The following NHLRC2 variants were observed in gnomAD, a reference collection of about 807,000 sequenced individuals.
NHLRC2 encodes NHL repeat containing 2.
NHLRC2 carries 33 observed loss-of-function variants against 68.1 expected under a neutral mutation model. That is an observed-to-expected ratio of 0.48 (90% CI 0.37 to 0.65). The LOEUF (loss-of-function observed/expected upper bound fraction) is 0.65. Ranked by LOEUF, NHLRC2 falls within the 30% of genes least tolerant of loss-of-function variation. The probability of loss-of-function intolerance (pLI) is 0.00; values close to 1 mark genes in which losing one functional copy is unlikely to be tolerated. For synonymous variants in NHLRC2, 311 were observed against 309.6 expected (o/e 1.00, Z -0.05); for missense variants, 761 against 853.8 (o/e 0.89, Z 1.35).
In NHLRC2 at chr10:113,854,830, T is replaced by G; in HGVS notation, c.-43T>G. Reference sequence around the variant, plus strand: ...AACGTTTCGTCTCTCCCAGCGAGACTCTCCCGCGGGCCCGGCGGCCGCATC... The same window carrying G: ...AACGTTTCGTCTCTCCCAGCGAGACGCTCCCGCGGGCCCGGCGGCCGCATC... On this transcript the variant is annotated 5_prime_UTR_variant, in exon 1 of 11. Transcript: ENST00000369301. 1 of 1,511,714 alleles carries G rather than the reference T, an allele frequency of 6.6e-7. No homozygotes were observed. The highest frequency in any genetic ancestry group is 8.9e-7 in the Non-Finnish European group (1 of 1,128,346). 93.6% of individuals were successfully genotyped at this position (1,511,714 alleles called of 1,614,324 possible). A position where few individuals can be genotyped will look rare whatever the true frequency, so the allele number is the denominator to read the frequency against.
chr10:113,910,585 C>A lies in NHLRC2; in HGVS notation c.*2049C>A, dbSNP rs1413821592. On this transcript the variant is annotated 3_prime_UTR_variant, in exon 11 of 11. Coordinates refer to ENST00000369301, the MANE Select transcript of NHLRC2 (RefSeq NM_198514.4). ...CAGGATGAGAATATTTTGGCCCAAT[C>A]ATTTTCTGTTTAAGGACTTAAACAA... 6.6e-6 allele frequency: 1 copy of A among 152,160 alleles called. No individual in the cohort carries two copies. Among genetic ancestry groups the A allele is most frequent in the African/African-American group, 2.4e-5 (1 of 41,444 alleles). The allele number at this position is 152,160 out of a possible 1,614,324, so 9.4% of individuals were successfully genotyped here. A position where few individuals can be genotyped will look rare whatever the true frequency, so the allele number is the denominator to read the frequency against.
At chr10:113,860,699 G>C (rs1279030802) in intron 2 of NHLRC2, among the ~76,000 whole-genome samples, 4 of 152,052 alleles carry the variant, frequency 2.6e-5, no homozygotes, top group Non-Finnish European at 5.9e-5. Flanking sequence ...AATGTATGAA[G>C]AAAATGGAAA....
rs958865264 is a variant in NHLRC2, at chr10:113,865,286, C to CG, written c.331+6606_331+6607insG. Among the ~76,000 whole-genome samples the CG allele has an allele frequency of 4.7e-4, 66 of 139,328 alleles. 2 individuals carry two copies. The highest frequency in any genetic ancestry group is 1.6e-3 in the African/African-American group (59 of 38,024). 91.4% of individuals were successfully genotyped at this position (139,328 alleles called of 152,430 possible). ...TTTTTAAAAATCGCTTTTCATCCCC[C>CG]CCCCCCGTTCCTCTCACCATATAAT... On this transcript the variant is annotated intron_variant, in intron 2 of 10. Coordinates refer to ENST00000369301, the MANE Select transcript of NHLRC2 (RefSeq NM_198514.4).
At chr10:113,898,640 A>G (rs1050356001) in intron 6 of NHLRC2, among the ~76,000 whole-genome samples, 1 of 152,238 alleles carries the variant, frequency 6.6e-6, no homozygotes, top group African/African-American at 2.4e-5. Flanking sequence ...AAGAGAACTA[A>G]GAATATTCAG....
chr10:113,891,184 A>G (rs1846127734), intron 5 of NHLRC2, among the ~76,000 whole-genome samples: 1 of 152,194 alleles, frequency 6.6e-6, no homozygotes, highest in Non-Finnish European at 1.5e-5. Context: ...ATGCCTTTTT[A>G]ATATAGCATT....
rs147269922 is a variant in NHLRC2 at position 113,888,054 on chromosome 10, A to G, written c.1039+3674A>G. On this transcript the variant is annotated intron_variant, in intron 5 of 10. Transcript: ENST00000369301. ...AGACCAGTCTGGTCAACATAGCAAG[A>G]CACTATTTCTACAAAAGAAATTTTA... 5.7e-3 allele frequency among the ~76,000 whole-genome samples: 872 copies of G among 152,344 alleles called. 2 individuals carry two copies. Among genetic ancestry groups the G allele is most frequent in the Middle Eastern group, 0.027 (8 of 294 alleles).
intron 2 of NHLRC2, among the ~76,000 whole-genome samples, chr10:113,871,438 T>C (rs1327499437): frequency 6.6e-6 from 1 of 152,234 alleles, no homozygotes; most frequent in Non-Finnish European, 1.5e-5. Flanking sequence ...TTGATTTCAC[T>C]TGTCTAATTA....
rs1846297203 is a variant in NHLRC2 at position 113,908,705 on chromosome 10, T to C, written c.*169T>C. 3.2e-6 allele frequency: 2 copies of C among 632,638 alleles called. No individual in the cohort carries two copies. Among genetic ancestry groups the C allele is most frequent in the Non-Finnish European group, 5.4e-6 (2 of 369,090 alleles). 39.2% of individuals were successfully genotyped at this position (632,638 alleles called of 1,614,324 possible). A position where few individuals can be genotyped will look rare whatever the true frequency, so the allele number is the denominator to read the frequency against. ...AAGCTATGCTCCTTACTTACTTCTT[T>C]TATTATAAACAAATTCCTTTGCTTT... On this transcript the variant is annotated 3_prime_UTR_variant, in exon 11 of 11. Coordinates refer to ENST00000369301, the MANE Select transcript of NHLRC2 (RefSeq NM_198514.4).
rs1846344675 is a variant in NHLRC2, at chr10:113,913,049, C to T, written c.*4513C>T. ...TTTTCCAGCACTCATCTATTAAGTG[C>T]TTTTATGTATTAACTCATTTAATCC... On this transcript the variant is annotated 3_prime_UTR_variant, in exon 11 of 11. Transcript: ENST00000369301. The T allele has an allele frequency of 6.6e-6, 1 of 152,118 alleles. No homozygotes were observed. Among genetic ancestry groups the T allele is most frequent in the Non-Finnish European group, 1.5e-5 (1 of 68,016 alleles). The allele number at this position is 152,118 out of a possible 1,614,324, so 9.4% of individuals were successfully genotyped here.
At chr10:113,855,117 C>T in intron 1 of NHLRC2, 67 bp downstream of exon 1, 1 of 1,399,694 alleles carries the variant, frequency 7.1e-7, no homozygotes. Context: ...CGGCGCCCTC[C>T]CGCGAAGCGG....
chr10:113,878,042 A>G (rs1846000821), intron 3 of NHLRC2, among the ~76,000 whole-genome samples: 1 of 152,218 alleles, frequency 6.6e-6, no homozygotes, highest in Admixed American at 6.5e-5. Flanking sequence ...AGCAAGCTAC[A>G]CTACCCAAAC....
rs139024315 is a variant in NHLRC2, at chr10:113,895,808, C to T, written c.1040-2302C>T. On this transcript the variant is annotated intron_variant, in intron 5 of 10. Coordinates refer to ENST00000369301, the MANE Select transcript of NHLRC2 (RefSeq NM_198514.4). Reference sequence around the variant, plus strand: ...AAGCTAAGGAATTGGTGAAGGAATGCTTTCAGGAGCCCTCTTCTTTTAGTG... The same window carrying T: ...AAGCTAAGGAATTGGTGAAGGAATGTTTTCAGGAGCCCTCTTCTTTTAGTG... Among the ~76,000 whole-genome samples, 290 of 152,282 alleles carry T rather than the reference C, an allele frequency of 1.9e-3. 2 individuals are homozygous for T. Among genetic ancestry groups the T allele is most frequent in the African/African-American group, 6.7e-3 (280 of 41,558 alleles).
intron 2 of NHLRC2, among the ~76,000 whole-genome samples, chr10:113,862,836 G>A (rs1046682511): frequency 6.6e-6 from 1 of 152,082 alleles, no homozygotes; most frequent in African/African-American, 2.4e-5. Flanking sequence ...GACAAAGAAG[G>A]ACATTATATA....
In NHLRC2 at chr10:113,854,680, G is replaced by T. The variant is rs1845722433; in HGVS notation, c.-193G>T. On this transcript the variant is annotated 5_prime_UTR_variant, in exon 1 of 11. Coordinates refer to ENST00000369301, the MANE Select transcript of NHLRC2 (RefSeq NM_198514.4). ...GACGGCAGTTTAATTACGTCCCCGG[G>T]AACTGCGCCGATTTGGACTTTTGGC... is the stretch of plus-strand genomic sequence containing the variant. The T allele has an allele frequency of 1.8e-6, 1 of 560,616 alleles. No individual in the cohort carries two copies. Among genetic ancestry groups the T allele is most frequent in the Non-Finnish European group, 3.1e-6 (1 of 318,258 alleles). 34.7% of individuals were successfully genotyped at this position (560,616 alleles called of 1,614,324 possible).
At position 113,884,383 on chromosome 10, in the gene NHLRC2, A is replaced by G. The variant is rs1247859866; in HGVS notation, c.1039+3A>G. ...GGATGTAGTTTTTGGAACATCAGGT[A>G]TGTGAACTTTTGATATTAAATGTAA... On this transcript the variant is annotated splice_donor_region_variant and intron_variant, in intron 5 of 10. Coordinates refer to ENST00000369301, the MANE Select transcript of NHLRC2 (RefSeq NM_198514.4). 4 of 1,605,218 alleles carry G rather than the reference A, an allele frequency of 2.5e-6. No homozygotes were observed. Among genetic ancestry groups the G allele is most frequent in the Admixed American group, 1.7e-5 (1 of 59,382 alleles).
intron 5 of NHLRC2, among the ~76,000 whole-genome samples, chr10:113,896,521 TGGGGGGA>T (rs1161541873): frequency 3.7e-5 from 2 of 54,154 alleles, no homozygotes; most frequent in Non-Finnish European, 6.5e-5. Context: ...TGTTGTGGGG[TGGGGGGA>T]GGGGGGAGGG....
Position 113,913,560 on chromosome 10 carries a change from A to G in NHLRC2, c.*5024A>G, listed in dbSNP as rs1846348930. The G allele has an allele frequency of 6.6e-6, 1 of 152,176 alleles. No homozygotes were observed. The highest frequency in any genetic ancestry group is 2.4e-5 in the African/African-American group (1 of 41,442). 9.4% of individuals were successfully genotyped at this position (152,176 alleles called of 1,614,324 possible). A position where few individuals can be genotyped will look rare whatever the true frequency, so the allele number is the denominator to read the frequency against. On this transcript the variant is annotated 3_prime_UTR_variant, in exon 11 of 11. Transcript: ENST00000369301. ...TTCAAAAGTTGTTTTAAAAGTTCTAACGGTTGGTCTTCAAAACGTAATTAA... is the reference window on the plus strand; with the variant it reads ...TTCAAAAGTTGTTTTAAAAGTTCTAGCGGTTGGTCTTCAAAACGTAATTAA...
chr10:113,869,806 A>C (rs924417861), intron 2 of NHLRC2, among the ~76,000 whole-genome samples: 1 of 152,254 alleles, frequency 6.6e-6, no homozygotes, highest in African/African-American at 2.4e-5. Context: ...TTGGGTTATA[A>C]ATAATTACTG....
rs953962628 is a variant in NHLRC2, at chr10:113,917,102, ATG to A, written c.*8570_*8571del. On this transcript the variant is annotated 3_prime_UTR_variant, in exon 11 of 11. Coordinates refer to ENST00000369301, the MANE Select transcript of NHLRC2 (RefSeq NM_198514.4). The stretch of plus-strand genomic sequence containing the variant: ...ATACAAGTGATCATAGAAGGTGAGA[ATG>A]TGTTTATACTGTATATGGAAACCTA... 1 of 152,206 alleles carries A rather than the reference ATG, an allele frequency of 6.6e-6. No homozygotes were observed. The highest frequency in any genetic ancestry group is 6.5e-5 in the Admixed American group (1 of 15,274). 9.4% of individuals were successfully genotyped at this position (152,206 alleles called of 1,614,324 possible).
Sources: allele counts gnomAD v4.1 joint callset (sites outside exome capture counted in the v4.1 genomes callset), GRCh38; gene constraint gnomAD v4.1.1; transcripts MANE v1.5; gene names NCBI Gene and HGNC (gene_info 2026-07-23, HGNC 2026-07-21).